The following ROCK2 variants were observed in gnomAD, a reference collection of about 807,000 sequenced individuals.
ROCK2 encodes the protein rho-associated protein kinase 2.
In ROCK2, 61 loss-of-function variants were observed where a neutral mutation model predicts 195.1. The ratio of observed to expected loss-of-function variants is 0.31; its 90% CI spans 0.25 to 0.39. The LOEUF (loss-of-function observed/expected upper bound fraction) is 0.39, where lower values mean the gene tolerates loss of function less well. Among genes scored for constraint, ROCK2 ranks in the 10% least tolerant of loss-of-function variants. The pLI is 1.00. For synonymous variants in ROCK2, 504 were observed against 545.5 expected, an observed-to-expected ratio of 0.92 and a Z score of 1.06; for missense variants, 1,109 against 1,637.4, an observed-to-expected ratio of 0.68 and a Z score of 5.57.
In ROCK2 at chr2:11,235,637, CTT is replaced by C. The variant is rs1486711665; in HGVS notation, c.723+63_723+64del. The C allele has an allele frequency of 1.9e-5, 29 of 1,501,602 alleles. No individual in the cohort carries two copies. The African/African-American group carries it at 2.9e-4, about 15-fold the overall frequency. The allele number at this position is 1,501,602 out of a possible 1,614,324, so 93.0% of individuals were successfully genotyped here. On this transcript the variant is annotated intron_variant, in intron 5 of 32. Transcript: ENST00000315872. This position sits in a 1 kb window ranked among gnomAD's most constrained non-coding sequence, Gnocchi z 4.2. Reference sequence around the variant, plus strand: ...TTTGTTCAAAACTATGAAGACCTGACTTAAAGTATTTCATTTATTTCTGTCCC... The same window carrying C: ...TTTGTTCAAAACTATGAAGACCTGACAAAGTATTTCATTTATTTCTGTCCC...
At position 11,336,884 on chromosome 2, in the gene ROCK2, C is replaced by T. The variant is rs7592172; in HGVS notation, c.141+7112G>A. Among the ~76,000 whole-genome samples the T allele has an allele frequency of 4.4e-3, 672 of 152,196 alleles. 5 individuals carry two copies. The highest frequency in any genetic ancestry group is 0.015 in the African/African-American group (625 of 41,538). Reference sequence around the variant, plus strand: ...AAAAAAGCAAAGGAGAATATCTTCACGACATGAGGATGGCGACAATTACTT... The same window carrying T: ...AAAAAAGCAAAGGAGAATATCTTCATGACATGAGGATGGCGACAATTACTT... On this transcript the variant is annotated intron_variant, in intron 1 of 32. Transcript: ENST00000315872.
chr2:11,197,341 G>A lies in ROCK2; in HGVS notation c.3287C>T (p.Ala1096Val). 3 of 1,610,308 alleles carry A rather than the reference G, an allele frequency of 1.9e-6. No homozygotes were observed. The South Asian group carries it at 3.3e-5, about 18-fold the overall frequency. Residue 1096 changes from alanine (A) to valine (V), a missense_variant, in exon 27 of 33, where the codon GCT becomes GTT. By Grantham distance (64) the Ala-to-Val change is moderately conservative (BLOSUM62 0). This residue lies in a region of ROCK2 where 221 missense variants were observed against 355.1 expected (regional missense o/e 0.62). Transcript: ENST00000315872. The surrounding 1 kb of genome is among the most constrained non-coding windows in gnomAD (Gnocchi z 4.9). Reference sequence around the variant, plus strand: ...TTCAATTCGAATCTGGCTCTCTTCAGCTATTTGCTATAAGAAATTTAATTA... The same window carrying A: ...TTCAATTCGAATCTGGCTCTCTTCAACTATTTGCTATAAGAAATTTAATTA... ...KELNEMQAQI[A>V]EESQIRIELQ...
At chr2:11,233,490 T>C (rs747789375) in intron 5 of ROCK2, among the ~76,000 whole-genome samples, 10 of 152,174 alleles carry the variant, frequency 6.6e-5, no homozygotes, top group Non-Finnish European at 1.5e-4. Context: ...GTTTCACTTC[T>C]ATGTTTATAT....
At position 11,198,784 on chromosome 2, in the gene ROCK2, G is replaced by T; in HGVS notation, c.2911-10C>A. 2.0e-6 allele frequency: 3 copies of T among 1,510,196 alleles called. No homozygotes were observed. The highest frequency in any genetic ancestry group is 1.2e-5 in the South Asian group (1 of 82,900). 93.5% of individuals were successfully genotyped at this position (1,510,196 alleles called of 1,614,324 possible). ...TATTAGTTTCCTCAAGCTAAGAAATGAAAGAGGAAAAAATAATCACATCCC... is the reference window on the plus strand; with the variant it reads ...TATTAGTTTCCTCAAGCTAAGAAATTAAAGAGGAAAAAATAATCACATCCC... On this transcript the variant is annotated splice_polypyrimidine_tract_variant and intron_variant, in intron 23 of 32. Coordinates refer to ENST00000315872, the MANE Select transcript of ROCK2 (RefSeq NM_004850.5).
At chr2:11,224,541 A>T (rs1664748202) in intron 6 of ROCK2, 81 bp from the exon 7 acceptor site, 1 of 1,314,268 alleles carries the variant, frequency 7.6e-7, no homozygotes, top group African/African-American at 1.5e-5. Context: ...AAATATGTTA[A>T]GTTTAAATTT....
intron 17 of ROCK2, among the ~76,000 whole-genome samples, chr2:11,212,358 TTC>T (rs1664280384): frequency 6.6e-6 from 1 of 152,214 alleles, no homozygotes; most frequent in Non-Finnish European, 1.5e-5. Flanking sequence ...CACTCTGCTG[TTC>T]TGAGATCTGT....
At chr2:11,343,117 C>T (rs1669157456) in intron 1 of ROCK2, among the ~76,000 whole-genome samples, 1 of 152,194 alleles carries the variant, frequency 6.6e-6, no homozygotes, top group Admixed American at 6.5e-5. Context: ...TCGTTTTCAC[C>T]TTTCTTCCCC....
At chr2:11,290,664 C>G (rs1306427716) in intron 1 of ROCK2, among the ~76,000 whole-genome samples, 1 of 151,860 alleles carries the variant, frequency 6.6e-6, no homozygotes, top group South Asian at 2.1e-4. Context: ...GCAATGGGTA[C>G]GTGCTAAAAG....
Position 11,344,542 on chromosome 2 carries a change from CGGCCGCCGCCGGCCCGCTGCCAT to C in ROCK2, c.-429_-407del. ...GCTGAAGCCCAGGCCTGGGCCACTACGGCCGCCGCCGGCCCGCTGCCATGGTCGCCGCCGGCCGCCTTGCAGTC... is the reference window on the plus strand; with the variant it reads ...GCTGAAGCCCAGGCCTGGGCCACTACGGTCGCCGCCGGCCGCCTTGCAGTC... On this transcript the variant is annotated 5_prime_UTR_variant, in exon 1 of 33. The change abolishes an upstream ATG in the 5' untranslated region. Coordinates refer to ENST00000315872, the MANE Select transcript of ROCK2 (RefSeq NM_004850.5). The surrounding 1 kb of genome is among the most constrained non-coding windows in gnomAD (Gnocchi z 5.4). 2.1e-6 allele frequency: 2 copies of C among 963,186 alleles called. No individual in the cohort carries two copies. Among genetic ancestry groups the C allele is most frequent in the Non-Finnish European group, 2.5e-6 (2 of 811,322 alleles). The allele number at this position is 963,186 out of a possible 1,614,324, so 59.7% of individuals were successfully genotyped here.
intron 3 of ROCK2, among the ~76,000 whole-genome samples, chr2:11,266,316 G>A (rs1438607118): frequency 1.3e-5 from 2 of 152,160 alleles, no homozygotes; most frequent in Non-Finnish European, 2.9e-5. Flanking sequence ...TGGAACTACG[G>A]CATTAAGATG....
intron 3 of ROCK2, among the ~76,000 whole-genome samples, chr2:11,280,462 G>GGA (rs1666961568): frequency 1.1e-5 from 1 of 92,510 alleles, no homozygotes; most frequent in Non-Finnish European, 2.3e-5. Flanking sequence ...CATCTCTACA[G>GGA]AAAAAAAAAA....
intron 1 of ROCK2, among the ~76,000 whole-genome samples, chr2:11,313,570 T>C (rs979884587): frequency 5.3e-5 from 8 of 152,028 alleles, no homozygotes; most frequent in African/African-American, 9.7e-5. Context: ...GTATAACCTC[T>C]TTATGTTAAA....
chr2:11,312,754 T>C (rs938231294), intron 1 of ROCK2, among the ~76,000 whole-genome samples: 1 of 152,028 alleles, frequency 6.6e-6, no homozygotes, highest in Non-Finnish European at 1.5e-5. Flanking sequence ...AATAGGTAAA[T>C]GATAAACTGT....
rs1290415132 is a variant in ROCK2, at chr2:11,211,811, T to C, written c.2073A>G (p.Thr691=). Residue 691 remains threonine (T), a synonymous_variant, in exon 18 of 33, where the codon ACA becomes ACG. Coordinates refer to ENST00000315872, the MANE Select transcript of ROCK2 (RefSeq NM_004850.5). ...TCTGCTGTATAACTTTTAGTTGGTA[T>C]GTCATATCTATTTCCATGTTGCTTT... ...KEKSNMEIDM[T]YQLKVIQQSL... is the part of the protein sequence containing the mutation. 1.2e-6 allele frequency: 2 copies of C among 1,604,246 alleles called. No individual in the cohort carries two copies. The highest frequency in any genetic ancestry group is 1.7e-6 in the Non-Finnish European group (2 of 1,177,046).
At chr2:11,227,449 A>G in intron 5 of ROCK2, 51 bp from the exon 6 acceptor site, 6 of 1,526,024 alleles carry the variant, frequency 3.9e-6, no homozygotes, top group Non-Finnish European at 5.3e-6. Context: ...AAAAACACAC[A>G]CTTATAAATG....
intron 4 of ROCK2, among the ~76,000 whole-genome samples, chr2:11,239,171 T>C (rs1665335854): frequency 6.6e-6 from 1 of 152,080 alleles, no homozygotes; most frequent in Non-Finnish European, 1.5e-5. Flanking sequence ...GTTTCTTAGA[T>C]ATAACACCAA....
intron 32 of ROCK2, among the ~76,000 whole-genome samples, chr2:11,183,954 T>C (rs1415693420): frequency 7.3e-6 from 1 of 136,176 alleles, no homozygotes; most frequent in Non-Finnish European, 1.7e-5. Context: ...ACCTGATTTA[T>C]GTTTTGCAAC....
chr2:11,249,056 C>T (rs1048526203), intron 4 of ROCK2, among the ~76,000 whole-genome samples: 2 of 151,782 alleles, frequency 1.3e-5, no homozygotes, highest in Admixed American at 6.6e-5. Flanking sequence ...CCACTATGCC[C>T]GGCTAATTTT....
At chr2:11,287,769 T>C in intron 1 of ROCK2, 33 bp from the exon 2 acceptor site, 1 of 909,238 alleles carries the variant, frequency 1.1e-6, no homozygotes. Flanking sequence ...AATGACAGTT[T>C]TTACAATTTC....
Sources: gnomAD v4.1 joint callset for allele counts (sites outside exome capture counted in the v4.1 genomes callset) on GRCh38, gnomAD v4.1.1 for gene constraint, gnomAD v4.1.1 regional missense constraint, Gnocchi (gnomAD v3.1) non-coding constraint, MANE v1.5 for transcripts, NCBI Gene and HGNC (gene_info 2026-07-23, HGNC 2026-07-21) for gene names.